The following ECT2L variants were observed in gnomAD, a reference collection of about 807,000 sequenced individuals.
The protein encoded by ECT2L is epithelial cell transforming 2 like.
ECT2L carries 126 observed loss-of-function variants against 122.8 expected under a neutral mutation model. That is an observed-to-expected ratio of 1.03 (90% CI 0.89 to 1.19). ECT2L has a LOEUF of 1.19. Among genes scored for constraint, ECT2L ranks in the 50% most tolerant of loss-of-function variants. ECT2L has a pLI of 0.00. For synonymous variants in ECT2L, 385 were observed against 381.8 expected, an observed-to-expected ratio of 1.01 and a Z score of -0.10; for missense variants, 1,012 against 1,064.1, an observed-to-expected ratio of 0.95 and a Z score of 0.68.
intron 20 of ECT2L, among the ~76,000 whole-genome samples, chr6:138,893,275 T>C (rs909610599): frequency 2.6e-5 from 4 of 151,650 alleles, no homozygotes; most frequent in Admixed American, 2.6e-4. Context: ...CCAGGTTGAT[T>C]AGGCACTGGT....
chr6:138,869,286 G>C (rs966891967), intron 13 of ECT2L, among the ~76,000 whole-genome samples: 1 of 152,218 alleles, frequency 6.6e-6, no homozygotes, highest in African/African-American at 2.4e-5. Flanking sequence ...TAGTTTCCAA[G>C]GAATTCTCAA....
At chr6:138,890,706 A>C (rs1029492920) in intron 20 of ECT2L, among the ~76,000 whole-genome samples, 1 of 151,924 alleles carries the variant, frequency 6.6e-6, no homozygotes, top group African/African-American at 2.4e-5. Context: ...TTGATTTTCT[A>C]TATCATTTTT....
chr6:138,847,015 C>A (rs1288921390), intron 8 of ECT2L, among the ~76,000 whole-genome samples: 4 of 146,926 alleles, frequency 2.7e-5, no homozygotes, highest in African/African-American at 7.6e-5. Context: ...CACCTATAAT[C>A]CCAGCACTTT....
intron 4 of ECT2L, among the ~76,000 whole-genome samples, chr6:138,828,220 A>C (rs966861516): frequency 6.6e-6 from 1 of 152,174 alleles, no homozygotes; most frequent in South Asian, 2.1e-4. Context: ...TCAGTAATCA[A>C]TTTTCCTCAA....
intron 4 of ECT2L, among the ~76,000 whole-genome samples, chr6:138,833,024 G>A (rs569734012): frequency 1.5e-4 from 23 of 150,568 alleles, no homozygotes; most frequent in Non-Finnish European, 2.4e-4. Flanking sequence ...GGCGGCAGGC[G>A]AGAGAGAGAG....
intron 20 of ECT2L, among the ~76,000 whole-genome samples, chr6:138,896,065 T>C (rs1367295119): frequency 6.8e-6 from 1 of 147,424 alleles, no homozygotes; most frequent in Non-Finnish European, 1.5e-5. Context: ...TATCGTTTTT[T>C]TCATAAACAC....
chr6:138,874,666 CAGAG>C (rs1173945884), intron 13 of ECT2L, among the ~76,000 whole-genome samples: 1 of 152,128 alleles, frequency 6.6e-6, no homozygotes, highest in African/African-American at 2.4e-5. Flanking sequence ...GGTGATCTCC[CAGAG>C]AAAGATGGCT....
At chr6:138,828,417 T>G (rs1776532346) in intron 4 of ECT2L, among the ~76,000 whole-genome samples, 1 of 152,224 alleles carries the variant, frequency 6.6e-6, no homozygotes, top group Non-Finnish European at 1.5e-5. Context: ...GATTGTAACC[T>G]TCTGCCTCCC....
At chr6:138,838,316 A>C in intron 4 of ECT2L, 36 bp from the exon 5 acceptor site, 1 of 1,535,956 alleles carries the variant, frequency 6.5e-7, no homozygotes, top group Non-Finnish European at 8.7e-7. Flanking sequence ...AATTTTAGAC[A>C]TTAGTGTTCT....
chr6:138,869,196 G>A (rs747931639), intron 13 of ECT2L, among the ~76,000 whole-genome samples: 8 of 152,150 alleles, frequency 5.3e-5, no homozygotes, highest in East Asian at 1.9e-4. Flanking sequence ...AAAAGGCAAC[G>A]TGCAGCTCTC....
At chr6:138,811,648 T>C (rs1352875680) in intron 1 of ECT2L, among the ~76,000 whole-genome samples, 2 of 152,146 alleles carry the variant, frequency 1.3e-5, no homozygotes, top group Non-Finnish European at 2.9e-5. Context: ...AAGTTTAAAG[T>C]TACAGCAAGC....
At chr6:138,845,021 T>C (rs919634463) in intron 7 of ECT2L, among the ~76,000 whole-genome samples, 2 of 152,138 alleles carry the variant, frequency 1.3e-5, no homozygotes, top group Non-Finnish European at 2.9e-5. Context: ...TTTCCACAAG[T>C]GTTTTCTACG....
chr6:138,888,718 A>G (rs1778915816), intron 19 of ECT2L, among the ~76,000 whole-genome samples: 1 of 152,164 alleles, frequency 6.6e-6, no homozygotes, highest in South Asian at 2.1e-4. Flanking sequence ...GCAGTTTTAA[A>G]ACTTTGACAA....
intron 4 of ECT2L, among the ~76,000 whole-genome samples, chr6:138,828,097 C>T (rs1776517864): frequency 6.6e-6 from 1 of 151,974 alleles, no homozygotes; most frequent in South Asian, 2.1e-4. Flanking sequence ...CATGACAGGC[C>T]CTGGTGTGTG....
At chr6:138,857,693 A>G (rs1167877579) in intron 10 of ECT2L, among the ~76,000 whole-genome samples, 4 of 151,926 alleles carry the variant, frequency 2.6e-5, no homozygotes, top group African/African-American at 9.7e-5. Context: ...CCTCTTCTCA[A>G]TCTCCTTTGC....
At chr6:138,803,592 C>G (rs1207695880) in intron 1 of ECT2L, among the ~76,000 whole-genome samples, 1 of 152,132 alleles carries the variant, frequency 6.6e-6, no homozygotes, top group Non-Finnish European at 1.5e-5. Flanking sequence ...TTTAATTTCC[C>G]ATATTGCCAA....
chr6:138,824,523 C>A lies in ECT2L; in HGVS notation c.179+9920C>A, dbSNP rs184183029. On this transcript the variant is annotated intron_variant, in intron 4 of 21. Transcript: ENST00000541398. ...TTTGTAAGTAATTTTATAAAATCCACCTCCTCCAAAAAAGCAATAAAAAAA... is the reference window on the plus strand; with the variant it reads ...TTTGTAAGTAATTTTATAAAATCCAACTCCTCCAAAAAAGCAATAAAAAAA... Among the ~76,000 whole-genome samples the A allele has an allele frequency of 3.7e-4, 46 of 124,128 alleles. No individual in the cohort carries two copies. The East Asian group carries it at 8.7e-3, about 23-fold the overall frequency. The allele number at this position is 124,128 out of a possible 152,430, so 81.4% of individuals were successfully genotyped here. A position where few individuals can be genotyped will look rare whatever the true frequency, so the allele number is the denominator to read the frequency against.
At chr6:138,828,579 T>C (rs1276950850) in intron 4 of ECT2L, among the ~76,000 whole-genome samples, 1 of 152,218 alleles carries the variant, frequency 6.6e-6, no homozygotes, top group African/African-American at 2.4e-5. Flanking sequence ...TTGACAATCT[T>C]CCCGTGGGTC....
rs1777105152 is a variant in ECT2L, at chr6:138,843,181, G to C, written c.545G>C (p.Arg182Thr). Residue 182 changes from arginine (R) to threonine (T), a missense_variant, in exon 6 of 22, where the codon AGA (arginine) becomes ACA (threonine). By Grantham distance (71) the Arg-to-Thr change is moderately conservative (BLOSUM62 -1). Transcript: ENST00000541398. ...TEDEELLERQ[R>T]EKCLRKRIWE... ...GATGAGGAACTACTGGAGAGACAAA[G>C]AGAAAAGTGCCTGAGGAAAAGAATT... 1.2e-6 allele frequency: 2 copies of C among 1,612,534 alleles called. No homozygotes were observed. The highest frequency in any genetic ancestry group is 1.7e-6 in the Non-Finnish European group (2 of 1,179,264).
Sources: gnomAD v4.1 joint callset for allele counts (sites outside exome capture counted in the v4.1 genomes callset) on GRCh38, gnomAD v4.1.1 for gene constraint, MANE v1.5 for transcripts, NCBI Gene and HGNC (gene_info 2026-07-23, HGNC 2026-07-21) for gene names.